ADAMTS5: variants seen among roughly 807,000 people sequenced by gnomAD.
The protein encoded by ADAMTS5 is ADAM metallopeptidase with thrombospondin type 1 motif 5.
A neutral mutation model predicts 81.4 loss-of-function variants in ADAMTS5; 54 were observed. The ratio of observed to expected loss-of-function variants is 0.66; its 90% CI spans 0.53 to 0.83. The LOEUF is 0.83. Ranked by LOEUF, ADAMTS5 falls within the 40% of genes least tolerant of loss-of-function variation. ADAMTS5 has a pLI of 0.00. For synonymous variants in ADAMTS5, 532 were observed against 508.8 expected (o/e 1.05, Z -0.61); for missense variants, 1,194 against 1,229.9 (o/e 0.97, Z 0.44).
intron 2 of ADAMTS5, among the ~76,000 whole-genome samples, chr21:26,952,520 G>C (rs1987339852): frequency 6.6e-6 from 1 of 152,186 alleles, no homozygotes; most frequent in Non-Finnish European, 1.5e-5. Context: ...TTAACTTGAG[G>C]TCAAAGCATC....
intron 1 of ADAMTS5, among the ~76,000 whole-genome samples, chr21:26,958,311 T>C (rs776754037): frequency 6.6e-6 from 1 of 152,160 alleles, no homozygotes; most frequent in Non-Finnish European, 1.5e-5. Context: ...TCTGTTTCTA[T>C]AGATCTTACC....
intron 3 of ADAMTS5, among the ~76,000 whole-genome samples, chr21:26,938,179 G>C (rs1242225570): frequency 6.6e-6 from 1 of 151,898 alleles, no homozygotes. Flanking sequence ...GGGAGGTGGA[G>C]TTTGCAGTGA....
chr21:26,918,397 ACT>A lies in ADAMTS5; in HGVS notation c.*5654_*5655del, dbSNP rs1162716962. On this transcript the variant is annotated 3_prime_UTR_variant, in exon 8 of 8. Transcript: ENST00000284987. ...GTTTATTACTTGACTTTACTCACAG[ACT>A]CTAATATAGAAACCAAATATTTATG... 1 of 152,326 alleles carries A rather than the reference ACT, an allele frequency of 6.6e-6. No individual in the cohort carries two copies. Among genetic ancestry groups the A allele is most frequent in the East Asian group, 1.9e-4 (1 of 5,182 alleles). 9.4% of individuals were successfully genotyped at this position (152,326 alleles called of 1,614,324 possible). A position where few individuals can be genotyped will look rare whatever the true frequency, so the allele number is the denominator to read the frequency against.
In ADAMTS5 at chr21:26,922,749, G is replaced by T; in HGVS notation, c.*1304C>A. ...CATGTCATCACTCAAACACTTACGGGTACAATCAAGTGCTTTCCAGTTGGG... is the reference window on the plus strand; with the variant it reads ...CATGTCATCACTCAAACACTTACGGTTACAATCAAGTGCTTTCCAGTTGGG... On this transcript the variant is annotated 3_prime_UTR_variant, in exon 8 of 8. Transcript: ENST00000284987. 6.6e-6 allele frequency: 1 copy of T among 152,418 alleles called. No homozygotes were observed. Among genetic ancestry groups the T allele is most frequent in the Non-Finnish European group, 1.5e-5 (1 of 67,950 alleles). The allele number at this position is 152,418 out of a possible 1,614,324, so 9.4% of individuals were successfully genotyped here.
At chr21:26,949,199 GGAGAGAGAGAGA>G (rs71183587) in intron 2 of ADAMTS5, among the ~76,000 whole-genome samples, 2 of 138,524 alleles carry the variant, frequency 1.4e-5, no homozygotes, top group Admixed American at 1.5e-4. Flanking sequence ...ATATATATAT[GGAGAGAGAGAGA>G]GAGAGAGAGA....
At chr21:26,952,055 T>A (rs1364723603) in intron 2 of ADAMTS5, among the ~76,000 whole-genome samples, 1 of 152,224 alleles carries the variant, frequency 6.6e-6, no homozygotes, top group Admixed American at 6.5e-5. Flanking sequence ...GAAAGCAGAA[T>A]TGAATCCATA....
chr21:26,959,030 C>A (rs1399170171), intron 1 of ADAMTS5, among the ~76,000 whole-genome samples: 1 of 152,138 alleles, frequency 6.6e-6, no homozygotes. Flanking sequence ...AGAGGGCTAG[C>A]AGGGAAGCTG....
rs1233568663 is a variant in ADAMTS5 at position 26,965,973 on chromosome 21, G to A, written c.419C>T (p.Pro140Leu). Residue 140 changes from proline to leucine, a missense_variant, in exon 1 of 8, where the codon CCC (proline) becomes CTC (leucine). Pro to Leu is a moderately conservative substitution (Grantham distance 98). Around this residue, in one of 2 missense-constraint regions of ADAMTS5, gnomAD observed 498 missense variants for 412.3 expected, o/e 1.21. Coordinates refer to ENST00000284987, the MANE Select transcript of ADAMTS5 (RefSeq NM_007038.5). ...GAGGTCAAAGACAGCCAGAGAGCGG[G>A]GACTACCGTCCACTGTGCCCCGATA... ...CFYRGTVDGS[P>L]RSLAVFDLCG... 2 of 1,613,298 alleles carry A rather than the reference G, an allele frequency of 1.2e-6. No individual in the cohort carries two copies. Among genetic ancestry groups the A allele is most frequent in the East Asian group, 4.5e-5 (2 of 44,864 alleles).
intron 3 of ADAMTS5, among the ~76,000 whole-genome samples, chr21:26,940,610 G>A (rs1987095966): frequency 6.6e-6 from 1 of 151,996 alleles, no homozygotes; most frequent in Admixed American, 6.6e-5. Flanking sequence ...AAAATTGAGT[G>A]GCCTAGAAAA....
Position 26,966,086 on chromosome 21 carries a change from C to T in ADAMTS5, c.306G>A (p.Leu102=). The T allele has an allele frequency of 6.2e-7, 1 of 1,612,988 alleles. No homozygotes were observed. The change falls in exon 1 of 8, where the codon CTG becomes CTA. Residue 102 remains leucine (L), a synonymous_variant. Transcript: ENST00000284987. ...YAGGRRFLLD[L]ERDGSVGIAG... ...CAATGCCCACCGAACCATCTCGCTC[C>T]AGGTCCAAGAGGAACCTCCGGCCGC... is the stretch of plus-strand genomic sequence containing the variant.
Position 26,966,079 on chromosome 21 carries a change from C to T in ADAMTS5, c.313G>A (p.Asp105Asn), listed in dbSNP as rs757157120. 6.2e-7 allele frequency: 1 copy of T among 1,613,040 alleles called. No homozygotes were observed. The highest frequency in any genetic ancestry group is 2.2e-5 in the East Asian group (1 of 44,846). ...AAGCCAGCAATGCCCACCGAACCAT[C>T]TCGCTCCAGGTCCAAGAGGAACCTC... Reference protein sequence around the residue: ...GRRFLLDLERDGSVGIAGFVP... With the variant: ...GRRFLLDLERNGSVGIAGFVP... The change falls in exon 1 of 8, where the codon GAT becomes AAT. Residue 105 changes from aspartate (D) to asparagine (N), a missense_variant. By Grantham distance (23) the Asp-to-Asn change is conservative. Around this residue, in one of 2 missense-constraint regions of ADAMTS5, gnomAD observed 498 missense variants for 412.3 expected, o/e 1.21. Coordinates refer to ENST00000284987, the MANE Select transcript of ADAMTS5 (RefSeq NM_007038.5).
chr21:26,934,536 G>T lies in ADAMTS5; in HGVS notation c.1619C>A (p.Thr540Lys). ...GCAGATTCTCCCCTTTCCACAAGGC[G>T]TCCCTTCCACCGCAGGCAGCTTCTT... ...LTKKLPAVEG[T>K]PCGKGRICLQ... Residue 540 changes from threonine (T) to lysine (K), a missense_variant, in exon 4 of 8, where the codon ACG becomes AAG. This residue lies in a region of ADAMTS5 where 696 missense variants were observed against 817.6 expected (regional missense o/e 0.85). Transcript: ENST00000284987. The T allele has an allele frequency of 1.2e-6, 2 of 1,614,088 alleles. No individual in the cohort carries two copies. Among genetic ancestry groups the T allele is most frequent in the Non-Finnish European group, 1.7e-6 (2 of 1,180,028 alleles).
Position 26,922,149 on chromosome 21 carries a change from G to T in ADAMTS5, c.*1904C>A, listed in dbSNP as rs917481799. Reference sequence around the variant, plus strand: ...ACATATAGGTTATCAGCCTTGTACAGGCCTCATTTCTCAAAGTGATAATTT... The same window carrying T: ...ACATATAGGTTATCAGCCTTGTACATGCCTCATTTCTCAAAGTGATAATTT... On this transcript the variant is annotated 3_prime_UTR_variant, in exon 8 of 8. Coordinates refer to ENST00000284987, the MANE Select transcript of ADAMTS5 (RefSeq NM_007038.5). 1 of 151,818 alleles carries T rather than the reference G, an allele frequency of 6.6e-6. No individual in the cohort carries two copies. The highest frequency in any genetic ancestry group is 2.4e-5 in the African/African-American group (1 of 41,342). 9.4% of individuals were successfully genotyped at this position (151,818 alleles called of 1,614,324 possible).
At chr21:26,945,185 A>G (rs993357590) in intron 2 of ADAMTS5, among the ~76,000 whole-genome samples, 1 of 151,764 alleles carries the variant, frequency 6.6e-6, no homozygotes, top group East Asian at 1.9e-4. Context: ...TTCATGTACT[A>G]TTAGAAATGA....
intron 1 of ADAMTS5, among the ~76,000 whole-genome samples, chr21:26,956,761 A>C (rs528584042): frequency 6.6e-6 from 1 of 152,306 alleles, no homozygotes; most frequent in African/African-American, 2.4e-5. Flanking sequence ...TCTATAAATA[A>C]GCTAAGATGA....
intron 3 of ADAMTS5, chr21:26,939,583 C>T (rs531006740): frequency 1.6e-4 from 24 of 152,292 alleles, no homozygotes; most frequent in Admixed American, 1.4e-3. Flanking sequence ...TAGCTCTTTA[C>T]ACTACATGAC....
At chr21:26,960,912 A>G (rs1027230713) in intron 1 of ADAMTS5, among the ~76,000 whole-genome samples, 2 of 152,320 alleles carry the variant, frequency 1.3e-5, no homozygotes, top group Admixed American at 1.3e-4. Flanking sequence ...TTGAACTCAG[A>G]TGGAGTGAGC....
intron 3 of ADAMTS5, among the ~76,000 whole-genome samples, chr21:26,940,250 A>T (rs1475425808): frequency 1.3e-5 from 2 of 152,216 alleles, no homozygotes; most frequent in African/African-American, 4.8e-5. Flanking sequence ...TGTACTCTTT[A>T]GGTACCATTG....
intron 4 of ADAMTS5, 72 bp from the exon 5 acceptor site, chr21:26,933,116 C>T (rs1355215809): frequency 2.1e-6 from 3 of 1,457,526 alleles, no homozygotes; most frequent in African/African-American, 1.4e-5. Context: ...TTGGAAATCA[C>T]CTGCATTTAA....
Sources: allele counts gnomAD v4.1 joint callset (sites outside exome capture counted in the v4.1 genomes callset), GRCh38; gene constraint gnomAD v4.1.1; regional missense constraint gnomAD v4.1.1; transcripts MANE v1.5; gene names NCBI Gene and HGNC (gene_info 2026-07-23, HGNC 2026-07-21).